Variants in TMTC3 observed in about 807,000 individuals in gnomAD.
The protein encoded by TMTC3 is transmembrane O-mannosyltransferase targeting cadherins 3.
TMTC3 carries 52 observed loss-of-function variants against 92.2 expected under a neutral mutation model. That is an observed-to-expected ratio of 0.56 (90% CI 0.45 to 0.71). The LOEUF (loss-of-function observed/expected upper bound fraction) is 0.71. TMTC3 is among the 30% of genes least tolerant of loss of function. The pLI is 0.00. For missense variants in TMTC3, 896 were observed against 1,057.1 expected, an observed-to-expected ratio of 0.85 and a Z score of 2.11; for synonymous variants, 339 against 363.3, an observed-to-expected ratio of 0.93 and a Z score of 0.76.
chr12:88,148,525 T>G, intron 2 of TMTC3, 21 bp downstream of exon 2: 5 of 1,498,264 alleles, frequency 3.3e-6, no homozygotes, highest in Non-Finnish European at 4.5e-6. Context: ...ACTTACATAT[T>G]ACTTGTACAT....
intron 1 of TMTC3, among the ~76,000 whole-genome samples, chr12:88,143,534 A>G (rs2040816774): frequency 6.6e-6 from 1 of 152,236 alleles, no homozygotes; most frequent in Non-Finnish European, 1.5e-5. Context: ...CTCTGGCTGG[A>G]GGACATATTC....
chr12:88,164,428 C>T (rs2041120107), intron 6 of TMTC3, among the ~76,000 whole-genome samples: 1 of 152,048 alleles, frequency 6.6e-6, no homozygotes, highest in Admixed American at 6.5e-5. Flanking sequence ...AGGTACTAAA[C>T]TCTTTCCAGA....
At chr12:88,163,589 T>C (rs1464286838) in intron 6 of TMTC3, among the ~76,000 whole-genome samples, 4 of 152,200 alleles carry the variant, frequency 2.6e-5, no homozygotes, top group Non-Finnish European at 5.9e-5. Context: ...GTTCCATAAC[T>C]GTCTGCTGGT....
intron 2 of TMTC3, 25 bp from the exon 3 acceptor site, chr12:88,153,266 A>G (rs1479119266): frequency 1.3e-6 from 2 of 1,565,138 alleles, no homozygotes; most frequent in Non-Finnish European, 1.7e-6. Context: ...TACTTTAATA[A>G]TCACTGATCG....
At position 88,195,369 on chromosome 12, in the gene TMTC3, G is replaced by A; in HGVS notation, c.2465G>A (p.Ser822Asn). 6.2e-7 allele frequency: 1 copy of A among 1,613,886 alleles called. No individual in the cohort carries two copies. Among genetic ancestry groups the A allele is most frequent in the Non-Finnish European group, 8.5e-7 (1 of 1,179,912 alleles). The change falls in exon 14 of 14, where the codon AGT becomes AAT. Residue 822 changes from serine (S) to asparagine (N), a missense_variant. Ser to Asn is a conservative substitution (Grantham distance 46). Coordinates refer to ENST00000266712, the MANE Select transcript of TMTC3 (RefSeq NM_181783.4). The part of the protein sequence containing the change: ...NIVRDKISSS[S>N]FIEPIFPTSK... ...GTCAGGGATAAGATTTCCTCATCTA[G>A]TTTTATAGAGCCAATATTCCCAACC...
chr12:88,179,004 T>C (rs560057432), intron 10 of TMTC3, among the ~76,000 whole-genome samples: 4 of 152,320 alleles, frequency 2.6e-5, no homozygotes, highest in South Asian at 4.1e-4. Flanking sequence ...TCATTGTCAA[T>C]TGTCACTAAT....
intron 2 of TMTC3, among the ~76,000 whole-genome samples, chr12:88,149,354 G>A (rs2040913596): frequency 6.6e-6 from 1 of 152,122 alleles, no homozygotes; most frequent in Admixed American, 6.5e-5. Flanking sequence ...TATATTAACT[G>A]TGTGAAATAG....
chr12:88,160,773 T>C lies in TMTC3; in HGVS notation c.719T>C (p.Ile240Thr), dbSNP rs1013476182. 2 of 1,613,358 alleles carry C rather than the reference T, an allele frequency of 1.2e-6. No individual in the cohort carries two copies. Among genetic ancestry groups the C allele is most frequent in the African/African-American group, 1.3e-5 (1 of 74,896 alleles). ...FSMLQTLVKL[I>T]VLMFSTLLLV... is the part of the protein sequence containing the mutation. Reference sequence around the variant, plus strand: ...ATGCTGCAGACACTAGTAAAACTCATTGTCTTGATGTTCAGTACATTATTA... The same window carrying C: ...ATGCTGCAGACACTAGTAAAACTCACTGTCTTGATGTTCAGTACATTATTA... The change falls in exon 6 of 14, where the codon ATT becomes ACT. Residue 240 changes from isoleucine (I) to threonine (T), a missense_variant. Physicochemically the swap from Ile to Thr is moderately conservative, Grantham distance 89. Coordinates refer to ENST00000266712, the MANE Select transcript of TMTC3 (RefSeq NM_181783.4).
chr12:88,182,602 A>G (rs1005886035), intron 10 of TMTC3, among the ~76,000 whole-genome samples: 2 of 152,168 alleles, frequency 1.3e-5, no homozygotes, highest in East Asian at 1.9e-4. Context: ...TTCAGGTGCT[A>G]TGACTAAACC....
intron 10 of TMTC3, 111 bp downstream of exon 10, chr12:88,176,430 T>C (rs757566633): frequency 1.4e-6 from 1 of 719,752 alleles, no homozygotes; most frequent in Non-Finnish European, 2.2e-6. Context: ...GTGACTTGAA[T>C]ACTAGAGTTC....
Position 88,160,760 on chromosome 12 carries a change from C to T in TMTC3, c.706C>T (p.Leu236=). 1 of 1,613,348 alleles carries T rather than the reference C, an allele frequency of 6.2e-7. No individual in the cohort carries two copies. The highest frequency in any genetic ancestry group is 8.5e-7 in the Non-Finnish European group (1 of 1,179,466). The change falls in exon 6 of 14, where the codon CTA becomes TTA. Residue 236 remains leucine, a synonymous_variant. Coordinates refer to ENST00000266712, the MANE Select transcript of TMTC3 (RefSeq NM_181783.4). ...CATTCCATTTTCTATGCTGCAGACA[C>T]TAGTAAAACTCATTGTCTTGATGTT... ...GSIPFSMLQT[L]VKLIVLMFST...
Position 88,197,067 on chromosome 12 carries a change from T to C in TMTC3, c.*1418T>C, listed in dbSNP as rs1313252013. The C allele has an allele frequency of 6.6e-6, 1 of 152,160 alleles. No individual in the cohort carries two copies. The highest frequency in any genetic ancestry group is 2.4e-5 in the African/African-American group (1 of 41,412). The allele number at this position is 152,160 out of a possible 1,614,324, so 9.4% of individuals were successfully genotyped here. On this transcript the variant is annotated 3_prime_UTR_variant, in exon 14 of 14. Coordinates refer to ENST00000266712, the MANE Select transcript of TMTC3 (RefSeq NM_181783.4). ...AGCTCTGGCTATCATCCTGGGATAG[T>C]AATTTCTAATTATATAGTATTTCAA...
At chr12:88,156,812 T>TGTG (rs1555232082) in intron 4 of TMTC3, among the ~76,000 whole-genome samples, 1 of 16,952 alleles carries the variant, frequency 5.9e-5, no homozygotes, top group Non-Finnish European at 2.7e-3. Flanking sequence ...TGTGTGTGTG[T>TGTG]TTTTTTTTTT....
At chr12:88,180,350 A>G (rs1325252012) in intron 10 of TMTC3, among the ~76,000 whole-genome samples, 3 of 152,120 alleles carry the variant, frequency 2.0e-5, no homozygotes, top group Non-Finnish European at 4.4e-5. Flanking sequence ...CCAAGCAGTT[A>G]CGTTATTAGA....
At position 88,198,373 on chromosome 12, in the gene TMTC3, C is replaced by G. The variant is rs914354221; in HGVS notation, c.*2724C>G. The G allele has an allele frequency of 2.5e-6, 1 of 398,030 alleles. No individual in the cohort carries two copies. The highest frequency in any genetic ancestry group is 4.4e-6 in the Non-Finnish European group (1 of 225,682). 24.7% of individuals were successfully genotyped at this position (398,030 alleles called of 1,614,324 possible). A position where few individuals can be genotyped will look rare whatever the true frequency, so the allele number is the denominator to read the frequency against. ...AATGGATAGTTTTAATTCTCACTGT[C>G]TCAAAAGAGAATCAGCTCTCCAGCA... On this transcript the variant is annotated 3_prime_UTR_variant, in exon 14 of 14. Transcript: ENST00000266712.
intron 10 of TMTC3, among the ~76,000 whole-genome samples, chr12:88,184,867 A>C (rs1377164645): frequency 1.3e-5 from 2 of 152,160 alleles, no homozygotes; most frequent in Non-Finnish European, 2.9e-5. Flanking sequence ...TAAAAGCTAT[A>C]AAAAGGGCAT....
At chr12:88,143,998 G>A (rs1386698626) in intron 1 of TMTC3, among the ~76,000 whole-genome samples, 3 of 152,168 alleles carry the variant, frequency 2.0e-5, no homozygotes, top group Non-Finnish European at 2.9e-5. Flanking sequence ...TAGCACTGGT[G>A]GGAGTGTCTT....
In TMTC3 at chr12:88,166,375, A is replaced by G; in HGVS notation, c.843A>G (p.Leu281=). The G allele has an allele frequency of 6.2e-7, 1 of 1,613,982 alleles. No individual in the cohort carries two copies. The highest frequency in any genetic ancestry group is 8.5e-7 in the Non-Finnish European group (1 of 1,179,920). The change falls in exon 7 of 14, where the codon CTA becomes CTG. Residue 281 remains leucine (L), a synonymous_variant. Transcript: ENST00000266712. ...TAAGCCCAACTCCTACAAGGCAACT[A>G]ACTTTTAACTACCTCCTTCCTGTGA... is the stretch of plus-strand genomic sequence containing the variant. ...AAVSPTPTRQ[L]TFNYLLPVNA... is the part of the protein sequence containing the mutation.
At chr12:88,156,288 T>C (rs1323030564) in intron 4 of TMTC3, among the ~76,000 whole-genome samples, 1 of 152,208 alleles carries the variant, frequency 6.6e-6, no homozygotes, top group African/African-American at 2.4e-5. Flanking sequence ...CTGTGCCTGT[T>C]AAAGGGAAAG....
Sources: allele counts gnomAD v4.1 joint callset (sites outside exome capture counted in the v4.1 genomes callset), GRCh38; gene constraint gnomAD v4.1.1; transcripts MANE v1.5; gene names NCBI Gene and HGNC (gene_info 2026-07-23, HGNC 2026-07-21).